Variants in SLC9A2 observed in about 807,000 individuals in gnomAD.
SLC9A2 encodes sodium/hydrogen exchanger 2.
SLC9A2 carries 42 observed loss-of-function variants against 71.7 expected under a neutral mutation model. The observed-to-expected ratio is 0.59, with a 90% CI of 0.46 to 0.76. The LOEUF is 0.76. Ranked by LOEUF, SLC9A2 falls within the 30% of genes least tolerant of loss-of-function variation. The pLI, the probability that SLC9A2 is intolerant of heterozygous loss-of-function variation, is 0.00. For missense variants in SLC9A2, 829 were observed against 1,017.4 expected (o/e 0.81, Z 2.52); for synonymous variants, 396 against 392.5 (o/e 1.01, Z -0.10).
In SLC9A2 at chr2:102,704,620, GAC is replaced by G. The variant is rs765177627; in HGVS notation, c.1926_1927del (p.His642GlnfsTer7). On this transcript the variant is annotated frameshift_variant, in exon 10 of 12. Coordinates refer to ENST00000233969, the MANE Select transcript of SLC9A2 (RefSeq NM_003048.6). LOFTEE classifies it high-confidence loss of function. Reference sequence around the variant, plus strand: ...GCCAAGGAGATTCTGATTCGCCGGCGACACAGTTTGCGAGAAAGCATTAGGAA... The same window carrying G: ...GCCAAGGAGATTCTGATTCGCCGGCGACAGTTTGCGAGAAAGCATTAGGAA... 3.1e-6 allele frequency: 5 copies of G among 1,613,594 alleles called. No homozygotes were observed. The highest frequency in any genetic ancestry group is 1.1e-5 in the South Asian group (1 of 91,060).
chr2:102,655,137 C>T (rs1041826543), intron 1 of SLC9A2, among the ~76,000 whole-genome samples: 2 of 151,714 alleles, frequency 1.3e-5, no homozygotes, highest in African/African-American at 4.8e-5. Context: ...TTTGTAATAA[C>T]ACTTAGCTTG....
At chr2:102,680,153 G>A (rs1677423777) in intron 3 of SLC9A2, among the ~76,000 whole-genome samples, 1 of 135,626 alleles carries the variant, frequency 7.4e-6, no homozygotes, top group Admixed American at 7.5e-5. Context: ...TTTCTACTTG[G>A]CAACATTTTT....
At chr2:102,628,248 T>C (rs2104497919) in intron 1 of SLC9A2, among the ~76,000 whole-genome samples, 1 of 152,172 alleles carries the variant, frequency 6.6e-6, no homozygotes, top group Admixed American at 6.5e-5. Context: ...GACATATCAG[T>C]TTCTGAATAA....
chr2:102,686,960 C>T lies in SLC9A2; in HGVS notation c.1425+2624C>T, dbSNP rs976969394. Among the ~76,000 whole-genome samples, 9 of 152,064 alleles carry T rather than the reference C, an allele frequency of 5.9e-5. No individual in the cohort carries two copies. The South Asian group carries it at 6.2e-4, about 11-fold the overall frequency. Reference sequence around the variant, plus strand: ...AACAGCACAGTTGAGATGTATTAGCCGAATTTGGTATTGTGAACACATCAA... The same window carrying T: ...AACAGCACAGTTGAGATGTATTAGCTGAATTTGGTATTGTGAACACATCAA... On this transcript the variant is annotated intron_variant, in intron 5 of 11. Coordinates refer to ENST00000233969, the MANE Select transcript of SLC9A2 (RefSeq NM_003048.6).
At chr2:102,665,957 C>G (rs1677128584) in intron 3 of SLC9A2, among the ~76,000 whole-genome samples, 1 of 151,904 alleles carries the variant, frequency 6.6e-6, no homozygotes, top group South Asian at 2.1e-4. Context: ...GCTCAGGCAC[C>G]AAGAATTGTA....
intron 5 of SLC9A2, chr2:102,686,281 G>A (rs1334030630): frequency 1.3e-5 from 2 of 152,174 alleles, no homozygotes; most frequent in African/African-American, 4.8e-5. Flanking sequence ...AATTTGCACA[G>A]ATACTAAAAT....
intron 1 of SLC9A2, among the ~76,000 whole-genome samples, chr2:102,657,261 C>T (rs1558709610): frequency 6.6e-6 from 1 of 151,922 alleles, no homozygotes; most frequent in Non-Finnish European, 1.5e-5. Flanking sequence ...TTCCACAGTT[C>T]CAGCCCTGAA....
At chr2:102,679,127 G>C (rs1677400095) in intron 3 of SLC9A2, among the ~76,000 whole-genome samples, 1 of 152,140 alleles carries the variant, frequency 6.6e-6, no homozygotes, top group Non-Finnish European at 1.5e-5. Flanking sequence ...CAGTGCCACA[G>C]ACATGCACAC....
At chr2:102,682,776 G>C (rs1381574987) in intron 3 of SLC9A2, among the ~76,000 whole-genome samples, 1 of 152,152 alleles carries the variant, frequency 6.6e-6, no homozygotes, top group Non-Finnish European at 1.5e-5. Context: ...TTATATGGCA[G>C]GGGGGCTACT....
chr2:102,671,588 A>C (rs528964096), intron 3 of SLC9A2, among the ~76,000 whole-genome samples: 3 of 152,368 alleles, frequency 2.0e-5, no homozygotes, highest in African/African-American at 7.2e-5. Context: ...AACCTAGAGA[A>C]ATGTAAACAA....
chr2:102,627,387 G>T (rs1035280020), intron 1 of SLC9A2, among the ~76,000 whole-genome samples: 1 of 152,152 alleles, frequency 6.6e-6, no homozygotes, highest in Non-Finnish European at 1.5e-5. Context: ...CAAGTGAATT[G>T]ATGGTTTTGG....
chr2:102,687,434 G>C lies in SLC9A2; in HGVS notation c.1425+3098G>C, dbSNP rs368530010. ...AAATACTTGATGAGATATAAATATA[G>C]CAGGAATAACTAATTATACATCCAT... On this transcript the variant is annotated intron_variant, in intron 5 of 11. Coordinates refer to ENST00000233969, the MANE Select transcript of SLC9A2 (RefSeq NM_003048.6). Among the ~76,000 whole-genome samples, 7 of 152,272 alleles carry C rather than the reference G, an allele frequency of 4.6e-5. No individual in the cohort carries two copies. In the East Asian group the frequency reaches 1.3e-3, roughly 29 times the overall value.
intron 3 of SLC9A2, among the ~76,000 whole-genome samples, chr2:102,672,740 T>C (rs1677277827): frequency 6.6e-6 from 1 of 152,182 alleles, no homozygotes; most frequent in Non-Finnish European, 1.5e-5. Context: ...TTGTGGCTGC[T>C]GCAGGAATGA....
chr2:102,624,931 A>G (rs890409271), intron 1 of SLC9A2, among the ~76,000 whole-genome samples: 62 of 152,170 alleles, frequency 4.1e-4, no homozygotes, highest in African/African-American at 1.5e-3. Context: ...TGATCTCTGA[A>G]AAAAACTTAT....
chr2:102,639,385 G>T (rs1676529507), intron 1 of SLC9A2, among the ~76,000 whole-genome samples: 1 of 152,192 alleles, frequency 6.6e-6, no homozygotes, highest in Admixed American at 6.5e-5. Context: ...TTTTTGAACA[G>T]CCCAGGCTTT....
intron 1 of SLC9A2, among the ~76,000 whole-genome samples, chr2:102,645,437 G>T (rs1398501930): frequency 6.6e-6 from 1 of 152,048 alleles, no homozygotes; most frequent in African/African-American, 2.4e-5. Flanking sequence ...GCACAAAACT[G>T]GATGGAGGAT....
intron 1 of SLC9A2, among the ~76,000 whole-genome samples, chr2:102,626,672 A>T (rs556804773): frequency 6.6e-6 from 1 of 152,226 alleles, no homozygotes; most frequent in Non-Finnish European, 1.5e-5. Context: ...CAATCTGCTC[A>T]TCTGAAAAAG....
At chr2:102,700,639 G>C (rs1389007154) in intron 7 of SLC9A2, among the ~76,000 whole-genome samples, 1 of 152,140 alleles carries the variant, frequency 6.6e-6, no homozygotes, top group African/African-American at 2.4e-5. Flanking sequence ...AATCAGAGGA[G>C]AGGAATTGGG....
intron 1 of SLC9A2, among the ~76,000 whole-genome samples, chr2:102,651,299 T>C (rs1353577694): frequency 6.6e-6 from 1 of 152,186 alleles, no homozygotes; most frequent in Non-Finnish European, 1.5e-5. Flanking sequence ...CTCAAAAGCC[T>C]CTCAGGAAAT....
Sources: allele counts gnomAD v4.1 joint callset (sites outside exome capture counted in the v4.1 genomes callset), GRCh38; gene constraint gnomAD v4.1.1; transcripts MANE v1.5; gene names NCBI Gene and HGNC (gene_info 2026-07-23, HGNC 2026-07-21).